The following ZFAND6 variants were observed in gnomAD, a reference collection of about 807,000 sequenced individuals.
ZFAND6 encodes the protein zinc finger AN1-type containing 6.
Under a neutral mutation model 24.5 loss-of-function variants are expected in ZFAND6, and 12 were observed. The ratio of observed to expected loss-of-function variants is 0.49; its 90% CI spans 0.31 to 0.79. ZFAND6 has a LOEUF of 0.79. Among genes scored for constraint, ZFAND6 ranks in the 30% least tolerant of loss-of-function variants. The pLI, the probability that ZFAND6 is intolerant of heterozygous loss-of-function variation, is 0.04. For missense variants in ZFAND6, 207 were observed against 245.9 expected (o/e 0.84, Z 1.06); for synonymous variants, 92 against 81.5 (o/e 1.13, Z -0.69).
chr15:80,107,969 C>T (rs950558377), intron 2 of ZFAND6, among the ~76,000 whole-genome samples: 15 of 152,114 alleles, frequency 9.9e-5, no homozygotes, highest in African/African-American at 3.4e-4. Flanking sequence ...AGTGTGGACT[C>T]CAGCCAACTG....
intron 5 of ZFAND6, chr15:80,129,509 G>T (rs1281592433): frequency 6.6e-6 from 1 of 152,204 alleles, no homozygotes. Context: ...GGGGAATAAG[G>T]TAACCATCCT....
At chr15:80,106,906 A>C (rs1460151944) in intron 2 of ZFAND6, among the ~76,000 whole-genome samples, 2 of 152,176 alleles carry the variant, frequency 1.3e-5, no homozygotes, top group South Asian at 2.1e-4. Context: ...AATGAAGTGT[A>C]ATCAGAATCA....
intron 1 of ZFAND6, among the ~76,000 whole-genome samples, chr15:80,065,249 A>G (rs973581432): frequency 2.1e-4 from 32 of 150,880 alleles, no homozygotes; most frequent in African/African-American, 7.5e-4. Context: ...TTCCTTAAAA[A>G]TTTTGGCCCC....
At chr15:80,063,433 C>T (rs775670415) in intron 1 of ZFAND6, among the ~76,000 whole-genome samples, 2 of 151,954 alleles carry the variant, frequency 1.3e-5, no homozygotes, top group Non-Finnish European at 2.9e-5. Context: ...GCTCTGTCTC[C>T]CAGGCTGGAG....
At chr15:80,124,801 T>C (rs2040303398) in intron 5 of ZFAND6, among the ~76,000 whole-genome samples, 1 of 152,136 alleles carries the variant, frequency 6.6e-6, no homozygotes, top group Admixed American at 6.5e-5. Flanking sequence ...CAGCAGCAAA[T>C]CTTTGATAAA....
chr15:80,126,468 G>A (rs2040374397), intron 5 of ZFAND6, among the ~76,000 whole-genome samples: 1 of 152,106 alleles, frequency 6.6e-6, no homozygotes, highest in Non-Finnish European at 1.5e-5. Context: ...AAAATTGAGA[G>A]TCCAGAAATA....
At chr15:80,134,694 T>A (rs988867133) in intron 6 of ZFAND6, among the ~76,000 whole-genome samples, 1 of 152,170 alleles carries the variant, frequency 6.6e-6, no homozygotes, top group Non-Finnish European at 1.5e-5. Flanking sequence ...CTTGGAGATA[T>A]TCAGGAGCTA....
rs773057418 is a variant in ZFAND6, at chr15:80,131,257, C to T, written c.442C>T (p.Arg148Cys). The T allele has an allele frequency of 6.8e-6, 11 of 1,612,772 alleles. No individual in the cohort carries two copies. Among genetic ancestry groups the T allele is most frequent in the Admixed American group, 3.3e-5 (2 of 59,972 alleles). The change falls in exon 6 of 7, where the codon CGC becomes TGC. Residue 148 changes from arginine to cysteine, a missense_variant. Physicochemically the swap from Arg to Cys is radical, Grantham distance 180. Coordinates refer to ENST00000261749, the MANE Select transcript of ZFAND6 (RefSeq NM_019006.4). ...SLEKPKQKKNRCFMCRKKVGL... is the reference protein window; with the variant it reads ...SLEKPKQKKNCCFMCRKKVGL... Reference sequence around the variant, plus strand: ...TGAAAAACCGAAACAAAAAAAGAATCGCTGTTTCATGTGCAGGAAGAAAGT... The same window carrying T: ...TGAAAAACCGAAACAAAAAAAGAATTGCTGTTTCATGTGCAGGAAGAAAGT...
intron 1 of ZFAND6, among the ~76,000 whole-genome samples, chr15:80,077,880 A>G (rs1302457453): frequency 6.6e-6 from 1 of 151,214 alleles, no homozygotes; most frequent in Non-Finnish European, 1.5e-5. Context: ...TTGTATTTTT[A>G]GTAGAGATGG....
intron 1 of ZFAND6, among the ~76,000 whole-genome samples, chr15:80,090,475 A>G (rs2038289702): frequency 1.3e-5 from 2 of 152,210 alleles, no homozygotes; most frequent in South Asian, 4.1e-4. Flanking sequence ...TATTGTGAAG[A>G]TGAAAGGAGA....
chr15:80,082,166 G>A (rs996314987), intron 1 of ZFAND6, among the ~76,000 whole-genome samples: 5 of 152,184 alleles, frequency 3.3e-5, no homozygotes, highest in Non-Finnish European at 7.4e-5. Context: ...TATGGGAATG[G>A]TGTGACTGTG....
chr15:80,075,816 A>ATT (rs2037241506), intron 1 of ZFAND6, among the ~76,000 whole-genome samples: 1 of 152,122 alleles, frequency 6.6e-6, no homozygotes, highest in Non-Finnish European at 1.5e-5. Flanking sequence ...AATGAACTCG[A>ATT]AACAGTTTTG....
chr15:80,066,772 CTGTAA>C (rs2036666484), intron 1 of ZFAND6, among the ~76,000 whole-genome samples: 1 of 151,716 alleles, frequency 6.6e-6, no homozygotes, highest in Non-Finnish European at 1.5e-5. Flanking sequence ...TGGCCGGTAG[CTGTAA>C]TCCCAGCTAC....
At chr15:80,103,328 T>TA (rs1385591816) in intron 2 of ZFAND6, among the ~76,000 whole-genome samples, 1 of 152,210 alleles carries the variant, frequency 6.6e-6, no homozygotes. Context: ...AGTGAGCACT[T>TA]ACTCTAATAC....
chr15:80,076,842 CCTT>C (rs1288757572), intron 1 of ZFAND6, among the ~76,000 whole-genome samples: 3 of 151,976 alleles, frequency 2.0e-5, no homozygotes, highest in Non-Finnish European at 2.9e-5. Context: ...ATTTGTAATT[CCTT>C]CTTCTAAGGC....
At chr15:80,073,999 A>G (rs2141827552) in intron 1 of ZFAND6, among the ~76,000 whole-genome samples, 1 of 152,072 alleles carries the variant, frequency 6.6e-6, no homozygotes, top group South Asian at 2.1e-4. Context: ...ATCAAAGGAT[A>G]ATGAACACTT....
At position 80,099,634 on chromosome 15, in the gene ZFAND6, T is replaced by TTTTTTTC. The variant is rs1555431664; in HGVS notation, c.-18+1056_-18+1057insTTTTTTC. ...ATGGATATCCTTTTTTTTTTTTTTTTCGAGACGGAGTCTCACTCTGTCGCC... is the reference window on the plus strand; with the variant it reads ...ATGGATATCCTTTTTTTTTTTTTTTTTTTTTTCCGAGACGGAGTCTCACTCTGTCGCC... On this transcript the variant is annotated intron_variant, in intron 2 of 6. Coordinates refer to ENST00000261749, the MANE Select transcript of ZFAND6 (RefSeq NM_019006.4). Among the ~76,000 whole-genome samples, 212 of 148,690 alleles carry TTTTTTTC rather than the reference T, an allele frequency of 1.4e-3. 4 individuals carry two copies. The highest frequency in any genetic ancestry group is 2.1e-3 in the Non-Finnish European group (143 of 67,550).
At chr15:80,135,590 G>T (rs1463838428) in intron 6 of ZFAND6, among the ~76,000 whole-genome samples, 1 of 152,328 alleles carries the variant, frequency 6.6e-6, no homozygotes, top group African/African-American at 2.4e-5. Context: ...ATTATTTCTG[G>T]TTAAGGAATG....
intron 1 of ZFAND6, among the ~76,000 whole-genome samples, chr15:80,084,992 A>G (rs2037903855): frequency 6.6e-6 from 1 of 152,230 alleles, no homozygotes; most frequent in South Asian, 2.1e-4. Flanking sequence ...TTCTGTAATG[A>G]ACAAGATACT....
Sources: allele counts gnomAD v4.1 joint callset (sites outside exome capture counted in the v4.1 genomes callset), GRCh38; gene constraint gnomAD v4.1.1; transcripts MANE v1.5; gene names NCBI Gene and HGNC (gene_info 2026-07-23, HGNC 2026-07-21).